Variants in JMJD6 observed in about 807,000 individuals in gnomAD.
The protein encoded by JMJD6 is jumonji domain containing 6, arginine demethylase and lysine hydroxylase.
JMJD6 carries 17 observed loss-of-function variants against 45.8 expected under a neutral mutation model. The ratio of observed to expected loss-of-function variants is 0.37; its 90% CI spans 0.25 to 0.56. The LOEUF is 0.56. Among genes scored for constraint, JMJD6 ranks in the 20% least tolerant of loss-of-function variants. JMJD6 has a pLI of 0.79. For missense variants in JMJD6, 470 were observed against 517.5 expected, an observed-to-expected ratio of 0.91 and a Z score of 0.89; for synonymous variants, 221 against 196.3, an observed-to-expected ratio of 1.13 and a Z score of -1.05.
Position 76,726,537 on chromosome 17 carries a change from G to T in JMJD6, c.-62C>A, listed in dbSNP as rs1006926626. On this transcript the variant is annotated 5_prime_UTR_variant, in exon 1 of 6. Coordinates refer to ENST00000397625, the MANE Select transcript of JMJD6 (RefSeq NM_015167.3). ...GCGCAGCCCGCTTCCTGACACTAAC[G>T]CACCCCTCCCCGGCCTGGGCGGCGG... 3.3e-6 allele frequency: 5 copies of T among 1,532,062 alleles called. No individual in the cohort carries two copies. In the African/African-American group the frequency reaches 7.1e-5, roughly 22 times the overall value. 94.9% of individuals were successfully genotyped at this position (1,532,062 alleles called of 1,614,324 possible).
intron 3 of JMJD6, among the ~76,000 whole-genome samples, chr17:76,722,400 C>T (rs576120795): frequency 6.6e-6 from 1 of 152,304 alleles, no homozygotes; most frequent in South Asian, 2.1e-4. Flanking sequence ...TGACTCAACA[C>T]GGACAGTGCT....
In JMJD6 at chr17:76,720,383, TGGAGCTGGA is replaced by T; in HGVS notation, c.1048_1056del (p.Ser353_Ser355del). Reference sequence around the variant, plus strand: ...ACCTCTGAGTCGGAGTCTGACGAACTGGAGCTGGAGGAGCTGGAAGAGTCGCTGGAGCTG... The same window carrying T: ...ACCTCTGAGTCGGAGTCTGACGAACTGGAGCTGGAAGAGTCGCTGGAGCTG... On this transcript the variant is annotated inframe_deletion, in exon 5 of 6. Coordinates refer to ENST00000397625, the MANE Select transcript of JMJD6 (RefSeq NM_015167.3). 1 of 1,614,138 alleles carries T rather than the reference TGGAGCTGGA, an allele frequency of 6.2e-7. No individual in the cohort carries two copies. The highest frequency in any genetic ancestry group is 1.1e-5 in the South Asian group (1 of 91,078).
chr17:76,716,639 C>G, downstream of JMJD6: 1 of 1,600,756 alleles, frequency 6.2e-7, no homozygotes, highest in Non-Finnish European at 8.6e-7. Context: ...TGGGTGGCTG[C>G]CAAAAGCTTA....
chr17:76,713,418 C>T (rs1316801856), exon 7 of JMJD6: 1 of 152,134 alleles, frequency 6.6e-6, no homozygotes, highest in African/African-American at 2.4e-5. Context: ...AACAATGAGA[C>T]AAAGTTGAGA....
rs764984092 is a variant in JMJD6 at position 76,718,699 on chromosome 17, T to TC, written c.*29dup. ...AGGCCCTGCCCTTGCCGCGAGCGTGTCCTTCCATACAGACAACAGCCTTGC... is the reference window on the plus strand; with the variant it reads ...AGGCCCTGCCCTTGCCGCGAGCGTGTCCCTTCCATACAGACAACAGCCTTGC... On this transcript the variant is annotated 3_prime_UTR_variant, in exon 6 of 6. Coordinates refer to ENST00000397625, the MANE Select transcript of JMJD6 (RefSeq NM_015167.3). 6.2e-7 allele frequency: 1 copy of TC among 1,610,842 alleles called. No individual in the cohort carries two copies. Among genetic ancestry groups the TC allele is most frequent in the Non-Finnish European group, 8.5e-7 (1 of 1,178,142 alleles).
At chr17:76,713,637 T>A (rs1195157294), downstream of JMJD6, 1 of 152,252 alleles carries the variant, frequency 6.6e-6, no homozygotes, top group Admixed American at 6.5e-5. Context: ...TTATACGCCT[T>A]CCTCCTACAC....
Position 76,721,859 on chromosome 17 carries a change from A to C in JMJD6, c.880T>G (p.Phe294Val). The change falls in exon 4 of 6, where the codon TTC becomes GTC. Residue 294 changes from phenylalanine (F) to valine (V), a missense_variant. Phe to Val is a conservative substitution (Grantham distance 50, BLOSUM62 -1). Coordinates refer to ENST00000397625, the MANE Select transcript of JMJD6 (RefSeq NM_015167.3). ...ACCGTCTTGTGCCATACCACAGGGAAGTTGGTGCTGCTGGCAAAATTTTGG... is the reference window on the plus strand; with the variant it reads ...ACCGTCTTGTGCCATACCACAGGGACGTTGGTGCTGCTGGCAAAATTTTGG... ...ITQNFASSTNFPVVWHKTVRG... is the reference protein window; with the variant it reads ...ITQNFASSTNVPVVWHKTVRG... The C allele has an allele frequency of 6.2e-7, 1 of 1,614,178 alleles. No individual in the cohort carries two copies. The highest frequency in any genetic ancestry group is 8.5e-7 in the Non-Finnish European group (1 of 1,180,000).
rs183924497 is a variant in JMJD6 at position 76,722,534 on chromosome 17, C to A, written c.806-601G>T. Among the ~76,000 whole-genome samples, 123 of 151,994 alleles carry A rather than the reference C, an allele frequency of 8.1e-4. No homozygotes were observed. In the South Asian group the frequency reaches 0.013, roughly 16 times the overall value. On this transcript the variant is annotated intron_variant, in intron 3 of 5. Transcript: ENST00000397625. ...GAGGCCAGCCTGGGTAACAGTGAGA[C>A]CTCCAATTCAATTTACAGAATTAAA... is the stretch of plus-strand genomic sequence containing the variant.
At chr17:76,722,921 A>AGACAATAGGTAACTACTG (rs1555647464) in intron 3 of JMJD6, among the ~76,000 whole-genome samples, 1 of 151,526 alleles carries the variant, frequency 6.6e-6, no homozygotes, top group South Asian at 2.1e-4. Flanking sequence ...ACATACACAA[A>AGACAATAGGTAACTACTG]CAAAGAAAAG....
intron 4 of JMJD6, 94 bp downstream of exon 4, chr17:76,721,704 C>A: frequency 7.3e-7 from 1 of 1,376,384 alleles, no homozygotes; most frequent in Non-Finnish European, 1.0e-6. Flanking sequence ...GGCCTGTGTA[C>A]GATCAGCACA....
rs1391559233 is a variant in JMJD6 at position 76,726,492 on chromosome 17, C to T, written c.-17G>A. The T allele has an allele frequency of 3.8e-6, 6 of 1,585,082 alleles. No individual in the cohort carries two copies. Among genetic ancestry groups the T allele is most frequent in the Non-Finnish European group, 1.7e-6 (2 of 1,166,344 alleles). ...GTGGTTCATTCTGCGGGGTCGCCAG[C>T]TGGTTCCGCTACGACCTCGGCGCAG... is the stretch of plus-strand genomic sequence containing the variant. On this transcript the variant is annotated 5_prime_UTR_variant, in exon 1 of 6. Coordinates refer to ENST00000397625, the MANE Select transcript of JMJD6 (RefSeq NM_015167.3).
At position 76,724,062 on chromosome 17, in the gene JMJD6, C is replaced by T. The variant is rs1286405802; in HGVS notation, c.519-4G>A. 6 of 1,612,940 alleles carry T rather than the reference C, an allele frequency of 3.7e-6. No homozygotes were observed. In the African/African-American group the frequency reaches 6.7e-5, roughly 18 times the overall value. ...TGGTGGCCCCATCACAAACCACCTA[C>T]AGAATGGAGATATCCAAGATGTGAA... On this transcript the variant is annotated splice_region_variant and splice_polypyrimidine_tract_variant and intron_variant, in intron 2 of 5. Coordinates refer to ENST00000397625, the MANE Select transcript of JMJD6 (RefSeq NM_015167.3).
chr17:76,713,744 T>A (rs2076745204), downstream of JMJD6: 1 of 152,236 alleles, frequency 6.6e-6, no homozygotes, highest in Non-Finnish European at 1.5e-5. Flanking sequence ...TATAAAGCAT[T>A]TGCACCAGCA....
chr17:76,712,957 G>C (rs2076740212), exon 7 of JMJD6: 1 of 152,198 alleles, frequency 6.6e-6, no homozygotes, highest in African/African-American at 2.4e-5. Context: ...GACGGACGCA[G>C]AACTAGGAGA....
chr17:76,725,862 G>T lies in JMJD6; in HGVS notation c.130-7C>A. The T allele has an allele frequency of 6.3e-7, 1 of 1,577,256 alleles. No individual in the cohort carries two copies. The highest frequency in any genetic ancestry group is 8.6e-7 in the Non-Finnish European group (1 of 1,167,574). On this transcript the variant is annotated splice_region_variant and splice_polypyrimidine_tract_variant and intron_variant, in intron 1 of 5. Transcript: ENST00000397625. Reference sequence around the variant, plus strand: ...CTGCCCTTTCCACGTTATCCTGAGGGAATTAAAAAAGACCTGTCCAGTTAA... The same window carrying T: ...CTGCCCTTTCCACGTTATCCTGAGGTAATTAAAAAAGACCTGTCCAGTTAA...
intron 4 of JMJD6, among the ~76,000 whole-genome samples, chr17:76,721,548 A>C (rs1018514141): frequency 5.9e-5 from 9 of 152,212 alleles, no homozygotes; most frequent in African/African-American, 2.2e-4. Context: ...AAACAATCCC[A>C]ATTATGACGT....
chr17:76,720,269 C>T, intron 5 of JMJD6, 91 bp downstream of exon 5: 1 of 1,214,530 alleles, frequency 8.2e-7, no homozygotes. Context: ...TATCCTTCTC[C>T]TGGATAGGAG....
chr17:76,720,649 A>C, intron 4 of JMJD6, 151 bp from the exon 5 acceptor site: 2 of 679,584 alleles, frequency 2.9e-6, no homozygotes, highest in Non-Finnish European at 5.0e-6. Flanking sequence ...TGAGGACAAA[A>C]CCCCAGGCTG....
At chr17:76,725,958 G>A in intron 1 of JMJD6, 103 bp from the exon 2 acceptor site, 2 of 1,371,508 alleles carry the variant, frequency 1.5e-6, no homozygotes, top group Non-Finnish European at 1.9e-6. Context: ...ACCGAAGGAA[G>A]TTGACTCTCG....
Sources: allele counts gnomAD v4.1 joint callset (sites outside exome capture counted in the v4.1 genomes callset), GRCh38; gene constraint gnomAD v4.1.1; transcripts MANE v1.5; gene names NCBI Gene and HGNC (gene_info 2026-07-23, HGNC 2026-07-21).